NYAP2: variants seen among roughly 807,000 people sequenced by gnomAD.
NYAP2 encodes the protein neuronal tyrosine-phosphorylated phosphoinositide-3-kinase adaptor 2.
NYAP2 carries 23 observed loss-of-function variants against 50.4 expected under a neutral mutation model. The observed-to-expected ratio is 0.46, with a 90% CI of 0.33 to 0.65. The LOEUF is 0.65. Among genes scored for constraint, NYAP2 ranks in the 30% least tolerant of loss-of-function variants. The pLI, the probability that NYAP2 is intolerant of heterozygous loss-of-function variation, is 0.02. For missense variants in NYAP2, 885 were observed against 861.0 expected, an observed-to-expected ratio of 1.03 and a Z score of -0.35; for synonymous variants, 394 against 365.2, an observed-to-expected ratio of 1.08 and a Z score of -0.90.
chr2:225,566,148 T>A (rs1174373105), intron 4 of NYAP2, among the ~76,000 whole-genome samples: 1 of 152,170 alleles, frequency 6.6e-6, no homozygotes, highest in Non-Finnish European at 1.5e-5. Flanking sequence ...CCAAAGCGCA[T>A]TGTCTGATAC....
intron 3 of NYAP2, among the ~76,000 whole-genome samples, chr2:225,417,833 T>C (rs1220266252): frequency 1.3e-5 from 2 of 152,182 alleles, no homozygotes; most frequent in East Asian, 3.8e-4. Context: ...ATTGGGCATC[T>C]ATTTTATGTC....
the NYAP2 span, among the ~76,000 whole-genome samples, chr2:225,677,297 C>T: frequency 1.6e-4 from 25 of 152,020 alleles, no homozygotes; most frequent in Non-Finnish European, 3.2e-4. Context: ...TTTATCAGTT[C>T]CAGGAGCTTT....
At chr2:225,526,787 T>C (rs575642368) in intron 4 of NYAP2, among the ~76,000 whole-genome samples, 1 of 152,180 alleles carries the variant, frequency 6.6e-6, no homozygotes, top group Non-Finnish European at 1.5e-5. Flanking sequence ...ATCTCCATTG[T>C]TTTTTGCATT....
intron 2 of NYAP2, among the ~76,000 whole-genome samples, chr2:225,407,917 C>G (rs188690385): frequency 1.4e-4 from 21 of 152,004 alleles, no homozygotes; most frequent in African/African-American, 4.3e-4. Flanking sequence ...CCAGTTCATA[C>G]TTTTTAATGA....
At chr2:225,423,685 G>C (rs1695247575) in intron 3 of NYAP2, among the ~76,000 whole-genome samples, 2 of 152,078 alleles carry the variant, frequency 1.3e-5, no homozygotes, top group African/African-American at 4.8e-5. Flanking sequence ...TGTTACCTCA[G>C]TCACATAGAT....
chr2:225,470,056 T>C (rs1295806153), intron 3 of NYAP2, among the ~76,000 whole-genome samples: 4 of 152,182 alleles, frequency 2.6e-5, no homozygotes, highest in African/African-American at 9.6e-5. Context: ...CTAACAGGCC[T>C]GTTCTGGAGA....
At chr2:225,612,658 T>A (rs115243569) in intron 5 of NYAP2, among the ~76,000 whole-genome samples, 5 of 152,124 alleles carry the variant, frequency 3.3e-5, no homozygotes, top group African/African-American at 1.2e-4. Context: ...ATGGCCACCT[T>A]CTTGCTGTAT....
chr2:225,679,547 T>A, the NYAP2 span, among the ~76,000 whole-genome samples: 2 of 138,348 alleles, frequency 1.4e-5, no homozygotes, highest in African/African-American at 5.4e-5. Flanking sequence ...CAGGCTGCAG[T>A]ATAGTGGTGT....
intron 6 of NYAP2, among the ~76,000 whole-genome samples, chr2:225,629,238 C>T (rs1248694355): frequency 6.6e-6 from 1 of 152,138 alleles, no homozygotes; most frequent in African/African-American, 2.4e-5. Flanking sequence ...ACAGATGTCC[C>T]AGCTCAAGAA....
chr2:225,548,592 G>A (rs142899512), intron 4 of NYAP2, among the ~76,000 whole-genome samples: 242 of 151,858 alleles, frequency 1.6e-3, no homozygotes, highest in African/African-American at 5.6e-3. Context: ...AATGCAGACA[G>A]AAGTAAATGA....
At chr2:225,564,018 C>T (rs1691919037) in intron 4 of NYAP2, among the ~76,000 whole-genome samples, 1 of 152,036 alleles carries the variant, frequency 6.6e-6, no homozygotes. Flanking sequence ...GAATCCATGT[C>T]ATCTTGATGG....
At chr2:225,554,357 G>C in intron 4 of NYAP2, among the ~76,000 whole-genome samples, 1 of 136,078 alleles carries the variant, frequency 7.3e-6, no homozygotes, top group East Asian at 2.1e-4. Context: ...ATCTCATTCT[G>C]TCACCCAAGC....
At position 225,582,797 on chromosome 2, in the gene NYAP2, G is replaced by C; in HGVS notation, c.1380G>C (p.Val460=). The change falls in exon 5 of 7, where the codon GTG becomes GTC. Residue 460 remains valine, a synonymous_variant. Coordinates refer to ENST00000636099, the Ensembl canonical transcript of NYAP2. The surrounding 1 kb of genome is among the most constrained non-coding windows in gnomAD (Gnocchi z 7.0). Reference sequence around the variant, plus strand: ...AAAGGCCTCCCCCTTACGACGCTGTGCATTCGGGCAGCCTCTCAAGGAGCT... The same window carrying C: ...AAAGGCCTCCCCCTTACGACGCTGTCCATTCGGGCAGCCTCTCAAGGAGCT... 6.2e-7 allele frequency: 1 copy of C among 1,613,910 alleles called. No homozygotes were observed. The highest frequency in any genetic ancestry group is 1.1e-5 in the South Asian group (1 of 91,084).
Position 225,508,399 on chromosome 2 carries a change from C to T in NYAP2, c.222-4972C>T, listed in dbSNP as rs150887285. On this transcript the variant is annotated intron_variant, in intron 3 of 6. Transcript: ENST00000636099. ...CTTATTTCTGGGGTCTTCCATTTGT[C>T]GTGATGCCTTCTCTTTCCCTGCTTC... 5.9e-3 allele frequency among the ~76,000 whole-genome samples: 900 copies of T among 152,234 alleles called. 3 individuals carry two copies. Among genetic ancestry groups the T allele is most frequent in the Non-Finnish European group, 0.01 (687 of 68,016 alleles).
At chr2:225,688,738 C>CT in the NYAP2 span, among the ~76,000 whole-genome samples, 2 of 151,934 alleles carry the variant, frequency 1.3e-5, no homozygotes, top group African/African-American at 4.8e-5. Context: ...AGAAAATCAA[C>CT]TTTTTTTTGT....
intron 4 of NYAP2, among the ~76,000 whole-genome samples, chr2:225,535,454 C>G (rs1170020613): frequency 2.0e-5 from 3 of 152,108 alleles, no homozygotes; most frequent in African/African-American, 7.2e-5. Context: ...CTACAGAACC[C>G]AAAGGCAGAA....
chr2:225,604,070 A>C (rs1442760632), intron 5 of NYAP2, among the ~76,000 whole-genome samples: 1 of 152,182 alleles, frequency 6.6e-6, no homozygotes, highest in Non-Finnish European at 1.5e-5. Flanking sequence ...ATTCACAAAA[A>C]ATAAAAAGTA....
At chr2:225,577,689 C>G (rs1441259362) in intron 4 of NYAP2, among the ~76,000 whole-genome samples, 1 of 151,932 alleles carries the variant, frequency 6.6e-6, no homozygotes, top group African/African-American at 2.4e-5. Flanking sequence ...TTATTGGAAA[C>G]AAATTTGTTT....
intron 5 of NYAP2, among the ~76,000 whole-genome samples, chr2:225,601,535 A>G (rs1484365500): frequency 1.3e-5 from 2 of 152,162 alleles, no homozygotes; most frequent in African/African-American, 4.8e-5. Flanking sequence ...TAATTTTTCT[A>G]CATCCTTGCC....
Sources: allele counts gnomAD v4.1 joint callset (sites outside exome capture counted in the v4.1 genomes callset), GRCh38; gene constraint gnomAD v4.1.1; non-coding constraint Gnocchi (gnomAD v3.1); transcripts MANE v1.5; gene names NCBI Gene and HGNC (gene_info 2026-07-23, HGNC 2026-07-21).